The following SCD5 variants were observed in gnomAD, a reference collection of about 807,000 sequenced individuals.
SCD5 encodes stearoyl-CoA desaturase 5, also known as acyl-CoA-desaturase 4.
SCD5 carries 20 observed loss-of-function variants against 30.4 expected under a neutral mutation model. The ratio of observed to expected loss-of-function variants is 0.66; its 90% CI spans 0.46 to 0.96. SCD5 has a LOEUF of 0.96. Among genes scored for constraint, SCD5 ranks in the 40% least tolerant of loss-of-function variants. SCD5 has a pLI of 0.00. For synonymous variants in SCD5, 173 were observed against 176.4 expected (o/e 0.98, Z 0.16); for missense variants, 381 against 443.3 (o/e 0.86, Z 1.26).
intron 1 of SCD5, among the ~76,000 whole-genome samples, chr4:82,741,390 G>C (rs1207939157): frequency 3.3e-5 from 5 of 152,084 alleles, no homozygotes; most frequent in African/African-American, 1.2e-4. Flanking sequence ...TGCTTGTTCT[G>C]AAAGGAAACC....
intron 1 of SCD5, among the ~76,000 whole-genome samples, chr4:82,724,265 C>T (rs1720427149): frequency 1.3e-5 from 2 of 152,064 alleles, no homozygotes; most frequent in African/African-American, 2.4e-5. Flanking sequence ...ACATTAACAC[C>T]AACCACACAA....
intron 3 of SCD5, among the ~76,000 whole-genome samples, chr4:82,641,884 G>C (rs1227306774): frequency 6.6e-6 from 1 of 152,080 alleles, no homozygotes; most frequent in Non-Finnish European, 1.5e-5. Flanking sequence ...TGACACCAAG[G>C]ATTAAGATGC....
rs1728556972 is a variant in SCD5, at chr4:82,680,883, G to A, written c.393C>T (p.His131=). ...QNDIFEWSRD[H]RAHHKYSETD... The stretch of plus-strand genomic sequence containing the variant: ...TCTCTGAGTACTTGTGGTGGGCTCG[G>A]TGGTCCCTGGACCACTCGAAGATGT... Residue 131 remains histidine, a synonymous_variant, in exon 3 of 5, where the codon CAC becomes CAT. Coordinates refer to ENST00000319540, the MANE Select transcript of SCD5 (RefSeq NM_001037582.3). 6.2e-7 allele frequency: 1 copy of A among 1,613,140 alleles called. No homozygotes were observed. Among genetic ancestry groups the A allele is most frequent in the Admixed American group, 1.7e-5 (1 of 59,986 alleles).
intron 4 of SCD5, among the ~76,000 whole-genome samples, chr4:82,634,200 G>A (rs1273657176): frequency 1.3e-5 from 2 of 152,164 alleles, no homozygotes; most frequent in East Asian, 1.9e-4. Flanking sequence ...TATGAATAAC[G>A]TTGCTATGAA....
At chr4:82,649,176 GA>G (rs1727692428) in intron 3 of SCD5, among the ~76,000 whole-genome samples, 2 of 109,192 alleles carry the variant, frequency 1.8e-5, no homozygotes, top group Admixed American at 1.2e-4. Context: ...AATAGGGTGA[GA>G]GGGGTGTGTG....
At chr4:82,674,838 C>A (rs1354346996) in intron 3 of SCD5, among the ~76,000 whole-genome samples, 1 of 152,002 alleles carries the variant, frequency 6.6e-6, no homozygotes, top group East Asian at 1.9e-4. Context: ...GGAGGAAGCA[C>A]AAATAGATAT....
rs1292966931 is a variant in SCD5, at chr4:82,715,553, C to T, written c.233-10140G>A. Among the ~76,000 whole-genome samples, 2 of 151,514 alleles carry T rather than the reference C, an allele frequency of 1.3e-5. 1 individual carries two copies. Among genetic ancestry groups the T allele is most frequent in the African/African-American group, 4.9e-5 (2 of 40,900 alleles). ...TTAATAAAAAAAAAATAAGGGTGTC[C>T]CAAACACCATTCTGGCGCCAGGCTA... On this transcript the variant is annotated intron_variant, in intron 1 of 4. Coordinates refer to ENST00000319540, the MANE Select transcript of SCD5 (RefSeq NM_001037582.3).
chr4:82,729,820 G>T (rs1247867503), intron 1 of SCD5, among the ~76,000 whole-genome samples: 1 of 152,176 alleles, frequency 6.6e-6, no homozygotes, highest in Non-Finnish European at 1.5e-5. Flanking sequence ...TGAATCACCA[G>T]AGATAACTCT....
chr4:82,756,242 T>C (rs1252876753), intron 1 of SCD5, among the ~76,000 whole-genome samples: 1 of 152,122 alleles, frequency 6.6e-6, no homozygotes, highest in East Asian at 1.9e-4. Context: ...GCAGCAGTGG[T>C]GGGGATGGTG....
At position 82,631,236 on chromosome 4, in the gene SCD5, C is replaced by T; in HGVS notation, c.*91G>A. On this transcript the variant is annotated 3_prime_UTR_variant, in exon 5 of 5. Transcript: ENST00000319540. Reference sequence around the variant, plus strand: ...CTCGTTCCTTCCCCACCCTCTGCCCCCTCCCACGATCCAATGTACAAGAGA... The same window carrying T: ...CTCGTTCCTTCCCCACCCTCTGCCCTCTCCCACGATCCAATGTACAAGAGA... 1 of 1,114,670 alleles carries T rather than the reference C, an allele frequency of 9.0e-7. No homozygotes were observed. Among genetic ancestry groups the T allele is most frequent in the Non-Finnish European group, 1.3e-6 (1 of 797,138 alleles). The allele number at this position is 1,114,670 out of a possible 1,614,324, so 69.0% of individuals were successfully genotyped here. A position where few individuals can be genotyped will look rare whatever the true frequency, so the allele number is the denominator to read the frequency against.
chr4:82,793,574 G>A (rs116865364), intron 1 of SCD5, among the ~76,000 whole-genome samples: 2,648 of 152,234 alleles, frequency 0.017, 163 homozygotes, highest in Admixed American at 0.11. Context: ...AATTTATTGC[G>A]CTGCCGGAAG....
At chr4:82,660,613 T>C in intron 3 of SCD5, 1 of 1,325,446 alleles carries the variant, frequency 7.5e-7, no homozygotes, top group Non-Finnish European at 9.7e-7. Flanking sequence ...TAGGTATCAT[T>C]ATTACCCTGC....
At chr4:82,786,741 G>A (rs867507714) in intron 1 of SCD5, among the ~76,000 whole-genome samples, 2 of 146,264 alleles carry the variant, frequency 1.4e-5, no homozygotes, top group Non-Finnish European at 3.0e-5. Flanking sequence ...GCAGTGAGCC[G>A]AGATCACACC....
At chr4:82,689,352 C>T (rs2148823665) in intron 2 of SCD5, among the ~76,000 whole-genome samples, 1 of 151,288 alleles carries the variant, frequency 6.6e-6, no homozygotes, top group African/African-American at 2.5e-5. Context: ...GCCTGGGCAA[C>T]ACAGCAAGAC....
chr4:82,731,345 G>A (rs1720639733), intron 1 of SCD5, among the ~76,000 whole-genome samples: 1 of 152,210 alleles, frequency 6.6e-6, no homozygotes, highest in Admixed American at 6.5e-5. Context: ...TCGGGCCTGT[G>A]AACACAGAGC....
chr4:82,724,962 C>A (rs1249471351), intron 1 of SCD5, among the ~76,000 whole-genome samples: 1 of 152,196 alleles, frequency 6.6e-6, no homozygotes, highest in Non-Finnish European at 1.5e-5. Context: ...TTTTCACTCT[C>A]TCCCATGCAA....
At chr4:82,708,160 G>A (rs1720007471) in intron 1 of SCD5, among the ~76,000 whole-genome samples, 1 of 152,090 alleles carries the variant, frequency 6.6e-6, no homozygotes, top group African/African-American at 2.4e-5. Flanking sequence ...ATGTATTTTA[G>A]GGCCAGTTGC....
chr4:82,633,575 G>A (rs763208092), intron 4 of SCD5, among the ~76,000 whole-genome samples: 1 of 152,030 alleles, frequency 6.6e-6, no homozygotes, highest in Non-Finnish European at 1.5e-5. Context: ...TTCCATAATG[G>A]CTACACTAAT....
intron 2 of SCD5, among the ~76,000 whole-genome samples, chr4:82,701,073 C>T (rs1202627875): frequency 6.6e-6 from 1 of 152,076 alleles, no homozygotes; most frequent in Non-Finnish European, 1.5e-5. Context: ...TGAATGACAA[C>T]AATGTCGTAA....
Sources: allele counts gnomAD v4.1 joint callset (sites outside exome capture counted in the v4.1 genomes callset), GRCh38; gene constraint gnomAD v4.1.1; transcripts MANE v1.5; gene names NCBI Gene and HGNC (gene_info 2026-07-23, HGNC 2026-07-21).